Variants in FERMT2 observed in about 807,000 individuals in gnomAD.
FERMT2 encodes FERM domain containing kindlin 2, also known as fermitin family homolog 2.
FERMT2 carries 15 observed loss-of-function variants against 82.7 expected under a neutral mutation model. That is an observed-to-expected ratio of 0.18 (90% CI 0.12 to 0.28). The LOEUF is 0.28. FERMT2 is among the 10% of genes least tolerant of loss of function. FERMT2 has a pLI of 1.00. For missense variants in FERMT2, 645 were observed against 809.4 expected (o/e 0.80, Z 2.46); for synonymous variants, 274 against 271.5 (o/e 1.01, Z -0.09).
intron 4 of FERMT2, among the ~76,000 whole-genome samples, chr14:52,888,835 T>C (rs1335894056): frequency 1.3e-5 from 2 of 152,170 alleles, no homozygotes; most frequent in African/African-American, 2.4e-5. Context: ...AGTATAAGGA[T>C]TTGTTGGAGA....
At chr14:52,882,797 T>TA (rs1014046205) in intron 4 of FERMT2, among the ~76,000 whole-genome samples, 309 of 51,620 alleles carry the variant, frequency 6.0e-3, no homozygotes, top group Middle Eastern at 0.045. Context: ...GAAGCAAAGT[T>TA]AAAAAAAAAA....
intron 2 of FERMT2, among the ~76,000 whole-genome samples, chr14:52,942,972 G>A (rs1890163862): frequency 6.6e-6 from 1 of 152,084 alleles, no homozygotes; most frequent in South Asian, 2.1e-4. Context: ...CAGCACCTTG[G>A]GAGGCCGAGG....
chr14:52,946,339 C>T (rs1221393385), intron 2 of FERMT2, among the ~76,000 whole-genome samples: 3 of 151,256 alleles, frequency 2.0e-5, no homozygotes, highest in Non-Finnish European at 2.9e-5. Context: ...ACACTATACA[C>T]GTTTGAAATT....
chr14:52,870,190 C>T (rs1033406870), intron 10 of FERMT2, among the ~76,000 whole-genome samples: 1 of 151,738 alleles, frequency 6.6e-6, no homozygotes, highest in African/African-American at 2.4e-5. Context: ...CCATTCACAC[C>T]CAGAGCAACT....
intron 2 of FERMT2, among the ~76,000 whole-genome samples, chr14:52,943,113 C>G (rs1188196191): frequency 6.8e-6 from 1 of 147,792 alleles, no homozygotes; most frequent in Non-Finnish European, 1.5e-5. Flanking sequence ...GAGGCTGAGG[C>G]AGGAGAATCA....
chr14:52,881,305 C>G lies in FERMT2; in HGVS notation c.691G>C (p.Glu231Gln). 6.2e-7 allele frequency: 1 copy of G among 1,614,034 alleles called. No individual in the cohort carries two copies. The highest frequency in any genetic ancestry group is 8.5e-7 in the Non-Finnish European group (1 of 1,180,014). The stretch of plus-strand genomic sequence containing the variant: ...GGCTTGAACATTTTTGCCAAGATTT[C>G]TGGTGACGTGATTGGTTGACTGACA... ...LAVSQPITSP[E>Q]ILAKMFKPQA... Residue 231 changes from glutamate (E) to glutamine (Q), a missense_variant, in exon 5 of 15, where the codon GAA becomes CAA. Coordinates refer to ENST00000341590, the MANE Select transcript of FERMT2 (RefSeq NM_006832.3).
At chr14:52,936,777 G>A (rs748048862) in intron 2 of FERMT2, among the ~76,000 whole-genome samples, 2 of 152,078 alleles carry the variant, frequency 1.3e-5, no homozygotes, top group Non-Finnish European at 2.9e-5. Flanking sequence ...TATCCTATAT[G>A]CTAGGTTCCA....
chr14:52,914,744 A>G (rs1177214394), intron 3 of FERMT2, among the ~76,000 whole-genome samples: 2 of 151,870 alleles, frequency 1.3e-5, no homozygotes, highest in Non-Finnish European at 2.9e-5. Flanking sequence ...ACATGGCAAA[A>G]CCCCGTCTCT....
intron 2 of FERMT2, among the ~76,000 whole-genome samples, chr14:52,925,880 GT>G (rs1889237725): frequency 2.0e-5 from 3 of 152,150 alleles, no homozygotes; most frequent in Non-Finnish European, 2.9e-5. Flanking sequence ...CTGACCTCAA[GT>G]GATCCAACCC....
chr14:52,948,549 C>T (rs997567857), intron 2 of FERMT2: 21 of 455,418 alleles, frequency 4.6e-5, no homozygotes, highest in Non-Finnish European at 8.8e-5. Flanking sequence ...TCCATACGCA[C>T]AGCATTTCCT....
At chr14:52,912,848 T>C (rs1475744862) in intron 3 of FERMT2, among the ~76,000 whole-genome samples, 1 of 152,210 alleles carries the variant, frequency 6.6e-6, no homozygotes. Flanking sequence ...GTGATAGGAT[T>C]AACTGATCCT....
At chr14:52,858,931 G>A (rs1594919651) in intron 14 of FERMT2, 1 of 167,414 alleles carries the variant, frequency 6.0e-6, no homozygotes, top group African/African-American at 2.4e-5. Context: ...TATCACGTTT[G>A]AGTATTTCAG....
intron 4 of FERMT2, among the ~76,000 whole-genome samples, chr14:52,883,147 T>C (rs1377122696): frequency 6.6e-6 from 1 of 151,934 alleles, no homozygotes; most frequent in Non-Finnish European, 1.5e-5. Context: ...AGCAAGACTC[T>C]ATCTCAAACA....
At position 52,920,434 on chromosome 14, in the gene FERMT2, C is replaced by G. The variant is rs546326005; in HGVS notation, c.158-1078G>C. Among the ~76,000 whole-genome samples, 12 of 151,926 alleles carry G rather than the reference C, an allele frequency of 7.9e-5. No individual in the cohort carries two copies. In the South Asian group the frequency reaches 2.5e-3, roughly 32 times the overall value. ...TCGCTTGAGCCCATGAGTTCGAGAC[C>G]AGGCAAGGCAACATGGTGAAGTCCC... On this transcript the variant is annotated intron_variant, in intron 2 of 14. Transcript: ENST00000341590.
intron 4 of FERMT2, among the ~76,000 whole-genome samples, chr14:52,892,448 T>TGTTTTTC (rs1886994431): frequency 6.5e-5 from 3 of 46,296 alleles, no homozygotes; most frequent in Non-Finnish European, 2.4e-4. Context: ...CGCCTGGTGC[T>TGTTTTTC]GTTTTTTGTT....
intron 3 of FERMT2, among the ~76,000 whole-genome samples, chr14:52,912,906 T>C (rs146920864): frequency 1.3e-5 from 2 of 152,312 alleles, no homozygotes; most frequent in African/African-American, 4.8e-5. Context: ...TCAATTAATG[T>C]TCTCTAAGGT....
chr14:52,866,671 C>G (rs951018857), intron 10 of FERMT2, among the ~76,000 whole-genome samples: 6 of 152,198 alleles, frequency 3.9e-5, no homozygotes, highest in African/African-American at 1.4e-4. Flanking sequence ...TGTGCTTATA[C>G]AGACATTTTC....
At chr14:52,887,384 C>G (rs987626449) in intron 4 of FERMT2, among the ~76,000 whole-genome samples, 1 of 152,000 alleles carries the variant, frequency 6.6e-6, no homozygotes, top group African/African-American at 2.4e-5. Context: ...ATGCTGGCAT[C>G]TGCCTGAAGT....
intron 3 of FERMT2, among the ~76,000 whole-genome samples, chr14:52,914,643 G>A (rs902320558): frequency 6.6e-6 from 1 of 152,112 alleles, no homozygotes; most frequent in Non-Finnish European, 1.5e-5. Context: ...GAGAAGGCCG[G>A]GCATGGTGGC....
Sources: gnomAD v4.1 joint callset for allele counts (sites outside exome capture counted in the v4.1 genomes callset) on GRCh38, gnomAD v4.1.1 for gene constraint, MANE v1.5 for transcripts, NCBI Gene and HGNC (gene_info 2026-07-23, HGNC 2026-07-21) for gene names.